Variants in SPMIP4 observed in about 807,000 individuals in gnomAD.
The protein encoded by SPMIP4 is sperm-associated microtubule inner protein 4.
chr7:25,160,167 C>T, the SPMIP4 span, among the ~76,000 whole-genome samples: 1 of 101,078 alleles, frequency 9.9e-6, no homozygotes. Context: ...ACCGAGACAA[C>T]CACAAATTTT....
the SPMIP4 span, among the ~76,000 whole-genome samples, chr7:25,129,466 G>A: frequency 6.6e-6 from 1 of 152,170 alleles, no homozygotes; most frequent in Admixed American, 6.5e-5. Flanking sequence ...CCTTCCGCAA[G>A]CACACTGATT....
chr7:25,136,837 A>G, the SPMIP4 span: 29 of 1,568,664 alleles, frequency 1.8e-5, no homozygotes, highest in South Asian at 8.3e-5. This position sits in a 1 kb window ranked among gnomAD's most constrained non-coding sequence, Gnocchi z 5.7. Context: ...GATCAGGGAT[A>G]TTGCCACAAA....
chr7:25,155,222 TGAAAA>T, the SPMIP4 span: 1 of 1,488,546 alleles, frequency 6.7e-7, no homozygotes, highest in South Asian at 1.4e-5. Context: ...CAAAACAAAA[TGAAAA>T]GAACAGAAAG....
the SPMIP4 span, chr7:25,134,834 G>GA: frequency 2.0e-6 from 2 of 985,194 alleles, no homozygotes; most frequent in Non-Finnish European, 2.4e-6. Context: ...AGGCTATAGA[G>GA]AACCCAGTGA....
At chr7:25,176,577 A>C in the SPMIP4 span, among the ~76,000 whole-genome samples, 1 of 152,250 alleles carries the variant, frequency 6.6e-6, no homozygotes, top group African/African-American at 2.4e-5. This position sits in a 1 kb window ranked among gnomAD's most constrained non-coding sequence, Gnocchi z 4.4. Flanking sequence ...ATTAAGTGAA[A>C]ATAGCAATTG....
chr7:25,148,577 C>T, the SPMIP4 span, among the ~76,000 whole-genome samples: 1 of 147,446 alleles, frequency 6.8e-6, no homozygotes, highest in South Asian at 2.1e-4. Context: ...CGAGTTCATG[C>T]GATTCTCCTG....
At chr7:25,173,062 G>A in the SPMIP4 span, among the ~76,000 whole-genome samples, 1 of 150,814 alleles carries the variant, frequency 6.6e-6, no homozygotes, top group Non-Finnish European at 1.5e-5. The surrounding 1 kb of genome is among the most constrained non-coding windows in gnomAD (Gnocchi z 4.4). Context: ...AGAGAGAGGG[G>A]GAGAGAATGG....
the SPMIP4 span, among the ~76,000 whole-genome samples, chr7:25,174,414 G>GACAC: frequency 2.0e-5 from 3 of 152,062 alleles, no homozygotes; most frequent in Non-Finnish European, 2.9e-5. This position sits in a 1 kb window ranked among gnomAD's most constrained non-coding sequence, Gnocchi z 4.5. Flanking sequence ...TTTTGAAAAG[G>GACAC]ACACATTCCC....
At chr7:25,172,058 T>C in the SPMIP4 span, among the ~76,000 whole-genome samples, 27,804 of 152,188 alleles carry the variant, frequency 0.18, 3,630 homozygotes, top group African/African-American at 0.37. This position sits in a 1 kb window ranked among gnomAD's most constrained non-coding sequence, Gnocchi z 4.2. Flanking sequence ...GAAGAAATAC[T>C]GTGGCATGCA....
the SPMIP4 span, among the ~76,000 whole-genome samples, chr7:25,132,853 G>A: frequency 3.5e-3 from 534 of 152,242 alleles, 2 homozygotes; most frequent in African/African-American, 0.012. The surrounding 1 kb of genome is among the most constrained non-coding windows in gnomAD (Gnocchi z 5.0). Context: ...CCGAAAATTT[G>A]AGCATTATTG....
chr7:25,154,024 C>G, the SPMIP4 span, among the ~76,000 whole-genome samples: 88,317 of 152,064 alleles, frequency 0.58, 25,923 homozygotes, highest in Middle Eastern at 0.64. Flanking sequence ...TTGCAGACTG[C>G]GAAGCAGAAC....
At chr7:25,154,037 A>T in the SPMIP4 span, among the ~76,000 whole-genome samples, 1 of 152,232 alleles carries the variant, frequency 6.6e-6, no homozygotes, top group Admixed American at 6.5e-5. Context: ...AGCAGAACAG[A>T]GGAGTTCAGA....
At chr7:25,126,768 A>G in the SPMIP4 span, among the ~76,000 whole-genome samples, 91,176 of 152,086 alleles carry the variant, frequency 0.6, 28,506 homozygotes, top group Non-Finnish European at 0.69. Context: ...TGTACTTACT[A>G]TTAGTAGTGA....
chr7:25,134,534 G>A, the SPMIP4 span, among the ~76,000 whole-genome samples: 1 of 152,152 alleles, frequency 6.6e-6, no homozygotes, highest in Admixed American at 6.5e-5. Flanking sequence ...CTATGACAAT[G>A]CCTAAAGAGA....
the SPMIP4 span, among the ~76,000 whole-genome samples, chr7:25,162,691 A>C: frequency 2.6e-5 from 4 of 152,196 alleles, no homozygotes; most frequent in Non-Finnish European, 5.9e-5. Context: ...TGACAATATA[A>C]ATCATTTGTG....
At chr7:25,156,449 A>G in the SPMIP4 span, among the ~76,000 whole-genome samples, 1 of 152,208 alleles carries the variant, frequency 6.6e-6, no homozygotes, top group African/African-American at 2.4e-5. Flanking sequence ...AGCTCAAGAC[A>G]AGGGTTCTTC....
At chr7:25,175,299 C>G in the SPMIP4 span, among the ~76,000 whole-genome samples, 1 of 152,092 alleles carries the variant, frequency 6.6e-6, no homozygotes, top group Non-Finnish European at 1.5e-5. Flanking sequence ...CGCTCTGTTG[C>G]CCAGTCTGGA....
chr7:25,164,311 T>C, the SPMIP4 span, among the ~76,000 whole-genome samples: 1 of 152,172 alleles, frequency 6.6e-6, no homozygotes, highest in African/African-American at 2.4e-5. Context: ...GGAAGCTGAA[T>C]TGATAATGAT....
At chr7:25,136,013 G>A in the SPMIP4 span, 5 of 1,611,704 alleles carry the variant, frequency 3.1e-6, no homozygotes, top group Non-Finnish European at 4.2e-6. The surrounding 1 kb of genome is among the most constrained non-coding windows in gnomAD (Gnocchi z 5.7). Flanking sequence ...TAGAATTGGT[G>A]CTTCATCCCC....
Sources: gnomAD v4.1 joint callset for allele counts (sites outside exome capture counted in the v4.1 genomes callset) on GRCh38, gnomAD v4.1.1 for gene constraint, Gnocchi (gnomAD v3.1) non-coding constraint, MANE v1.5 for transcripts, NCBI Gene and HGNC (gene_info 2026-07-23, HGNC 2026-07-21) for gene names.